The following RYK variants were observed in gnomAD, a reference collection of about 807,000 sequenced individuals.
The protein encoded by RYK is receptor like tyrosine kinase, also known as inactive tyrosine-protein kinase RYK.
Under a neutral mutation model 70.2 loss-of-function variants are expected in RYK, and 21 were observed. That is an observed-to-expected ratio of 0.30 (90% CI 0.21 to 0.43). RYK has a LOEUF of 0.43. Among genes scored for constraint, RYK ranks in the 20% least tolerant of loss-of-function variants. The pLI, the probability that RYK is intolerant of heterozygous loss-of-function variation, is 1.00. For missense variants in RYK, 604 were observed against 753.3 expected (o/e 0.80, Z 2.32); for synonymous variants, 267 against 278.0 (o/e 0.96, Z 0.39).
At chr3:134,205,984 G>C (rs1355275560) in intron 5 of RYK, among the ~76,000 whole-genome samples, 1 of 152,130 alleles carries the variant, frequency 6.6e-6, no homozygotes, top group Non-Finnish European at 1.5e-5. Context: ...CACAGACAGA[G>C]GCCAAGAATA....
At chr3:134,198,936 A>G (rs1560012900) in intron 6 of RYK, among the ~76,000 whole-genome samples, 1 of 152,318 alleles carries the variant, frequency 6.6e-6, no homozygotes, top group South Asian at 2.1e-4. Context: ...AGAAAAATTA[A>G]GATGCTGCCA....
intron 10 of RYK, 59 bp downstream of exon 10, chr3:134,182,943 A>T (rs2013347345): frequency 9.6e-7 from 1 of 1,040,150 alleles, no homozygotes; most frequent in South Asian, 1.7e-5. Context: ...TGCACATAAA[A>T]ATGTGGCATC....
At chr3:134,249,853 TCCCAAGAG>T (rs2015561281) in intron 1 of RYK, among the ~76,000 whole-genome samples, 1 of 148,194 alleles carries the variant, frequency 6.7e-6, no homozygotes, top group Non-Finnish European at 1.5e-5. Flanking sequence ...CAAATCTACG[TCCCAAGAG>T]TTGGAGGCTG....
At chr3:134,210,916 T>C (rs1047383910) in intron 3 of RYK, among the ~76,000 whole-genome samples, 3 of 151,684 alleles carry the variant, frequency 2.0e-5, no homozygotes, top group Non-Finnish European at 4.4e-5. Flanking sequence ...GCAGAATGAG[T>C]AGGATGAATA....
Position 134,176,004 on chromosome 3 carries a change from A to T in RYK, c.1341T>A (p.Ile447=). Residue 447 remains isoleucine (I), a synonymous_variant, in exon 12 of 15, where the codon ATT becomes ATA. Transcript: ENST00000623711. ...GGTAGCTCATTCCACAGGCAATCTGAATAGCCATGTGTACCAGGTCTTGCT... is the reference window on the plus strand; with the variant it reads ...GGTAGCTCATTCCACAGGCAATCTGTATAGCCATGTGTACCAGGTCTTGCT... ...ISQQDLVHMA[I]QIACGMSYLA... The T allele has an allele frequency of 6.2e-7, 1 of 1,606,632 alleles. No homozygotes were observed. The highest frequency in any genetic ancestry group is 8.5e-7 in the Non-Finnish European group (1 of 1,176,138).
intron 6 of RYK, among the ~76,000 whole-genome samples, chr3:134,196,582 A>AAC (rs57185535): frequency 0.073 from 9,380 of 128,298 alleles, 309 homozygotes; most frequent in South Asian, 0.12. Flanking sequence ...TCTGAAACAA[A>AAC]ACACACACAC....
intron 13 of RYK, among the ~76,000 whole-genome samples, chr3:134,173,181 T>A (rs779903482): frequency 5.9e-4 from 90 of 151,924 alleles, no homozygotes; most frequent in Non-Finnish European, 1.0e-3. Context: ...CTCAGGAGGC[T>A]GAGGCAGGAG....
intron 5 of RYK, among the ~76,000 whole-genome samples, chr3:134,203,330 A>C (rs2014090654): frequency 6.6e-6 from 1 of 152,214 alleles, no homozygotes; most frequent in African/African-American, 2.4e-5. Flanking sequence ...CGTGGGCGAC[A>C]GACCATCTAT....
chr3:134,209,893 T>G, intron 3 of RYK, 64 bp from the exon 4 acceptor site: 1 of 1,155,614 alleles, frequency 8.7e-7, no homozygotes, highest in Non-Finnish European at 1.2e-6. Flanking sequence ...TGCCCCAAAA[T>G]GATTCTTTTA....
At position 134,250,637 on chromosome 3, in the gene RYK, C is replaced by A. The variant is rs1381592111; in HGVS notation, c.18G>T (p.Arg6=). The change falls in exon 1 of 15, where the codon CGG becomes CGT. Residue 6 remains arginine, a synonymous_variant. Coordinates refer to ENST00000623711, the MANE Select transcript of RYK (RefSeq NM_002958.4). MRGAA[R]LGRPGRSCLP... Reference sequence around the variant, plus strand: ...GGCAACTCCGGCCCGGCCGCCCCAGCCGCGCCGCCCCACGCATGGCCGCCG... The same window carrying A: ...GGCAACTCCGGCCCGGCCGCCCCAGACGCGCCGCCCCACGCATGGCCGCCG... 3.0e-6 allele frequency: 3 copies of A among 985,716 alleles called. No individual in the cohort carries two copies. Among genetic ancestry groups the A allele is most frequent in the South Asian group, 9.0e-5 (2 of 22,158 alleles). 61.1% of individuals were successfully genotyped at this position (985,716 alleles called of 1,614,324 possible).
chr3:134,206,775 A>G (rs1390369079), intron 5 of RYK, among the ~76,000 whole-genome samples: 2 of 152,182 alleles, frequency 1.3e-5, no homozygotes, highest in Non-Finnish European at 2.9e-5. Context: ...TCAATGGAAG[A>G]ACAATGGCAA....
chr3:134,176,229 C>A (rs2013094876), intron 11 of RYK, among the ~76,000 whole-genome samples, 190 bp from the exon 12 acceptor site: 1 of 152,154 alleles, frequency 6.6e-6, no homozygotes, highest in Admixed American at 6.5e-5. Context: ...AACTGTAGTC[C>A]TTATTATTCT....
At chr3:134,211,896 CAG>C (rs1358066731) in intron 2 of RYK, among the ~76,000 whole-genome samples, 2 of 152,214 alleles carry the variant, frequency 1.3e-5, no homozygotes, top group Non-Finnish European at 2.9e-5. Context: ...GCAGCACTGA[CAG>C]AGAGGCCATG....
At chr3:134,237,272 C>T (rs1200405945) in intron 1 of RYK, among the ~76,000 whole-genome samples, 3 of 152,136 alleles carry the variant, frequency 2.0e-5, no homozygotes, top group African/African-American at 4.8e-5. Context: ...ATGGTTCATT[C>T]GTGCTAAATC....
chr3:134,203,115 G>A (rs2107675260), intron 5 of RYK, among the ~76,000 whole-genome samples: 1 of 152,282 alleles, frequency 6.6e-6, no homozygotes, highest in East Asian at 1.9e-4. Context: ...GGGAGGCCAA[G>A]GCAGGTGGAT....
At chr3:134,226,580 T>C (rs183440036) in intron 1 of RYK, among the ~76,000 whole-genome samples, 288 of 152,214 alleles carry the variant, frequency 1.9e-3, no homozygotes, top group Non-Finnish European at 8.7e-4. Flanking sequence ...CTTATGAACA[T>C]AGATTCATTC....
chr3:134,225,674 C>G (rs1384358111), intron 1 of RYK, among the ~76,000 whole-genome samples: 1 of 152,066 alleles, frequency 6.6e-6, no homozygotes, highest in Non-Finnish European at 1.5e-5. Context: ...GGCAACACAG[C>G]AACAACCCAT....
chr3:134,182,510 G>A (rs2108157309), intron 10 of RYK, among the ~76,000 whole-genome samples: 1 of 152,136 alleles, frequency 6.6e-6, no homozygotes, highest in African/African-American at 2.4e-5. Context: ...ATAGATACCT[G>A]TATCTAGAGA....
rs572981812 is a variant in RYK, at chr3:134,162,837, C to A, written c.1576-3464G>T. ...AATGAAACTGGTCGGAAGGGTGCTC[C>A]CATCCCTTCCTCCAGAGATGAAATG... is the stretch of plus-strand genomic sequence containing the variant. On this transcript the variant is annotated intron_variant, in intron 13 of 14. Transcript: ENST00000623711. Among the ~76,000 whole-genome samples the A allele has an allele frequency of 7.9e-5, 12 of 152,252 alleles. No individual in the cohort carries two copies. The East Asian group carries it at 2.1e-3, about 27-fold the overall frequency.
Sources: allele counts gnomAD v4.1 joint callset (sites outside exome capture counted in the v4.1 genomes callset), GRCh38; gene constraint gnomAD v4.1.1; transcripts MANE v1.5; gene names NCBI Gene and HGNC (gene_info 2026-07-23, HGNC 2026-07-21).